Variants in DCUN1D4 observed in about 807,000 individuals in gnomAD.
DCUN1D4 encodes defective in cullin neddylation 1 domain containing 4.
A neutral mutation model predicts 47.9 loss-of-function variants in DCUN1D4; 22 were observed. That is an observed-to-expected ratio of 0.46 (90% CI 0.33 to 0.66). The LOEUF (loss-of-function observed/expected upper bound fraction) is 0.66, where lower values mean the gene tolerates loss of function less well. Among genes scored for constraint, DCUN1D4 ranks in the 30% least tolerant of loss-of-function variants. The pLI is 0.02. For missense variants in DCUN1D4, 301 were observed against 340.8 expected (o/e 0.88, Z 0.92); for synonymous variants, 121 against 112.2 (o/e 1.08, Z -0.50).
intron 1 of DCUN1D4, among the ~76,000 whole-genome samples, chr4:51,853,544 C>G (rs1208310007): frequency 6.6e-6 from 1 of 152,088 alleles, no homozygotes; most frequent in Non-Finnish European, 1.5e-5. Flanking sequence ...GAGGTTGTTC[C>G]AGGAGTGGAT....
At chr4:51,834,429 T>G in the DCUN1D4 span, among the ~76,000 whole-genome samples, 1 of 151,828 alleles carries the variant, frequency 6.6e-6, no homozygotes, top group African/African-American at 2.4e-5. Flanking sequence ...AAGAAGCATC[T>G]CCATTTCATG....
chr4:51,886,595 G>A lies in DCUN1D4; in HGVS notation c.371G>A (p.Gly124Asp), dbSNP rs776257189. 2.5e-6 allele frequency: 4 copies of A among 1,613,878 alleles called. No homozygotes were observed. The highest frequency in any genetic ancestry group is 2.5e-6 in the Non-Finnish European group (3 of 1,179,958). ...ACTGATGATGTTGTAGGCCCTGAAG[G>A]CATGGAGAAATTTTGTGAAGACATT... ...AGTDDVVGPE[G>D]MEKFCEDIGV... is the part of the protein sequence containing the mutation. Residue 124 changes from glycine to aspartate, a missense_variant, in exon 6 of 11, where the codon GGC becomes GAC. Gly to Asp is a moderately conservative substitution (Grantham distance 94). Coordinates refer to ENST00000334635, the MANE Select transcript of DCUN1D4 (RefSeq NM_001040402.3).
chr4:51,897,153 T>C (rs1731395666), intron 7 of DCUN1D4, among the ~76,000 whole-genome samples: 1 of 152,250 alleles, frequency 6.6e-6, no homozygotes, highest in Non-Finnish European at 1.5e-5. Context: ...AAGAAGTCTT[T>C]TCCGACTCTA....
chr4:51,867,934 C>T (rs552598903), intron 3 of DCUN1D4, among the ~76,000 whole-genome samples: 2 of 152,260 alleles, frequency 1.3e-5, no homozygotes, highest in Non-Finnish European at 2.9e-5. Flanking sequence ...TGCAGGTCTG[C>T]GCCAAGCTGC....
At chr4:51,860,836 A>G (rs1275913272) in intron 1 of DCUN1D4, among the ~76,000 whole-genome samples, 1 of 152,154 alleles carries the variant, frequency 6.6e-6, no homozygotes, top group Non-Finnish European at 1.5e-5. Context: ...AGGTGGGGAC[A>G]TATCCAAACT....
intron 1 of DCUN1D4, chr4:51,844,907 G>A (rs1323461766): frequency 6.1e-6 from 6 of 985,174 alleles, no homozygotes; most frequent in South Asian, 4.7e-5. Context: ...TTTATTCCCC[G>A]GCCAGCTCCT....
chr4:51,893,968 C>T (rs1260675470), intron 7 of DCUN1D4, among the ~76,000 whole-genome samples: 4 of 152,140 alleles, frequency 2.6e-5, no homozygotes, highest in African/African-American at 4.8e-5. Flanking sequence ...TTTTGAGGGC[C>T]CTATCTCCTG....
At chr4:51,884,054 G>A (rs960846853) in intron 5 of DCUN1D4, among the ~76,000 whole-genome samples, 5 of 150,790 alleles carry the variant, frequency 3.3e-5, no homozygotes, top group African/African-American at 1.2e-4. Flanking sequence ...GGGGATAGAA[G>A]GGGACAAAAC....
intron 1 of DCUN1D4, chr4:51,848,304 C>T (rs1162681145): frequency 1.2e-5 from 15 of 1,288,454 alleles, no homozygotes. Flanking sequence ...TGAATGTGCA[C>T]ACGTCCGTTT....
intron 4 of DCUN1D4, 186 bp downstream of exon 4, chr4:51,874,571 A>G (rs1727396884): frequency 2.3e-6 from 1 of 442,506 alleles, no homozygotes; most frequent in South Asian, 4.4e-5. Flanking sequence ...ACGTAAGAAC[A>G]AATTAGGTAA....
chr4:51,848,785 T>G (rs993137689), intron 1 of DCUN1D4, among the ~76,000 whole-genome samples: 1 of 152,242 alleles, frequency 6.6e-6, no homozygotes, highest in African/African-American at 2.4e-5. Context: ...TTTGAATTGC[T>G]TTTAATCAGA....
In DCUN1D4 at chr4:51,877,843, A is replaced by G. The variant is rs980700010; in HGVS notation, c.332A>G (p.Tyr111Cys). The G allele has an allele frequency of 1.8e-5, 29 of 1,607,848 alleles. No homozygotes were observed. The highest frequency in any genetic ancestry group is 2.5e-5 in the Non-Finnish European group (29 of 1,175,412). The change falls in exon 5 of 11, where the codon TAT becomes TGT. Residue 111 changes from tyrosine (Y) to cysteine (C), a missense_variant. Tyr to Cys is a radical substitution (Grantham distance 194). Around this residue, in one of 2 missense-constraint regions of DCUN1D4, gnomAD observed 170 missense variants for 234.5 expected, o/e 0.73. Coordinates refer to ENST00000334635, the MANE Select transcript of DCUN1D4 (RefSeq NM_001040402.3). Reference sequence around the variant, plus strand: ...AGTAAAAGGTGCTTGGAATGGTTCTATGAATATGCAGGTAGGTATTCATTT... The same window carrying G: ...AGTAAAAGGTGCTTGGAATGGTTCTGTGAATATGCAGGTAGGTATTCATTT... ...FSSKRCLEWF[Y>C]EYAGTDDVVG...
intron 1 of DCUN1D4, among the ~76,000 whole-genome samples, chr4:51,851,893 A>T (rs1255602570): frequency 6.6e-6 from 1 of 152,218 alleles, no homozygotes; most frequent in African/African-American, 2.4e-5. Flanking sequence ...GTGAATTGAG[A>T]TTCTAACTCA....
upstream of DCUN1D4, among the ~76,000 whole-genome samples, chr4:51,839,602 T>G (rs554353393): frequency 1.3e-5 from 2 of 152,342 alleles, 1 homozygote; most frequent in South Asian, 4.1e-4. Context: ...AGGGGGTTTA[T>G]TTTCATTTCC....
chr4:51,854,435 T>G (rs576168342), intron 1 of DCUN1D4, among the ~76,000 whole-genome samples: 1 of 152,372 alleles, frequency 6.6e-6, no homozygotes, highest in Non-Finnish European at 1.5e-5. Context: ...CACTGACTTG[T>G]GATCTGACCT....
At chr4:51,845,195 A>G (rs1722343839) in intron 1 of DCUN1D4, 1 of 985,418 alleles carries the variant, frequency 1.0e-6, no homozygotes, top group Non-Finnish European at 1.2e-6. Flanking sequence ...AGTGTGTGTA[A>G]GCACTGGGTT....
intron 2 of DCUN1D4, 74 bp downstream of exon 2, chr4:51,863,581 AT>A: frequency 1.3e-6 from 2 of 1,580,714 alleles, no homozygotes; most frequent in Non-Finnish European, 1.7e-6. Context: ...TTTGATAAAA[AT>A]TTAGATTCTA....
chr4:51,901,687 C>A (rs532103123), intron 8 of DCUN1D4, among the ~76,000 whole-genome samples: 10 of 152,272 alleles, frequency 6.6e-5, no homozygotes, highest in African/African-American at 2.4e-4. Context: ...AGTTACATAC[C>A]CCTGGTGTCT....
At chr4:51,900,078 CTGTT>C (rs1162716180) in intron 8 of DCUN1D4, among the ~76,000 whole-genome samples, 2 of 152,160 alleles carry the variant, frequency 1.3e-5, no homozygotes, top group East Asian at 3.9e-4. Flanking sequence ...TCTGTTAGGT[CTGTT>C]TGTTTAGTGG....
Sources: gnomAD v4.1 joint callset for allele counts (sites outside exome capture counted in the v4.1 genomes callset) on GRCh38, gnomAD v4.1.1 for gene constraint, gnomAD v4.1.1 regional missense constraint, MANE v1.5 for transcripts, NCBI Gene and HGNC (gene_info 2026-07-23, HGNC 2026-07-21) for gene names.